TM4SF4: variants seen among roughly 807,000 people sequenced by gnomAD.
The protein encoded by TM4SF4 is transmembrane 4 L6 family member 4.
TM4SF4 carries 24 observed loss-of-function variants against 24.1 expected under a neutral mutation model. That is an observed-to-expected ratio of 1.00 (90% CI 0.72 to 1.40). TM4SF4 has a LOEUF of 1.40. Ranked by LOEUF, TM4SF4 falls within the 40% of genes most tolerant of loss-of-function variation. The probability of loss-of-function intolerance (pLI) is 0.00; values close to 1 mark genes in which losing one functional copy is unlikely to be tolerated. For synonymous variants in TM4SF4, 113 were observed against 97.0 expected (o/e 1.17, Z -0.97); for missense variants, 254 against 254.2 (o/e 1.00, Z 0.01).
In TM4SF4 at chr3:149,475,898, G is replaced by C; in HGVS notation, c.250G>C (p.Gly84Arg). 6.2e-7 allele frequency: 1 copy of C among 1,612,182 alleles called. No homozygotes were observed. Among genetic ancestry groups the C allele is most frequent in the Non-Finnish European group, 8.5e-7 (1 of 1,179,168 alleles). ...TGGGTGCTGCGGCAACGAGGGCTGT[G>C]GGAAGCGATTTGCGGTGAGTTACCA... ...CCGCCGNEGC[G>R]KRFAMFTSTI... Residue 84 changes from glycine to arginine, a missense_variant, in exon 2 of 5, where the codon GGG becomes CGG. Gly to Arg is a moderately radical substitution (Grantham distance 125). Transcript: ENST00000305354.
intron 2 of TM4SF4, among the ~76,000 whole-genome samples, chr3:149,476,803 T>C (rs1194045837): frequency 3.6e-5 from 2 of 55,064 alleles, no homozygotes; most frequent in Non-Finnish European, 1.2e-4. Context: ...TTTTTTTTTG[T>C]TTTTGTTTTT....
intron 2 of TM4SF4, among the ~76,000 whole-genome samples, chr3:149,486,977 G>C (rs2107870541): frequency 6.6e-6 from 1 of 152,332 alleles, no homozygotes; most frequent in Admixed American, 6.5e-5. Flanking sequence ...TGCCAGGCCA[G>C]GTGCGGTGAC....
At chr3:149,501,812 C>T (rs931816847) in intron 4 of TM4SF4, among the ~76,000 whole-genome samples, 38 of 152,278 alleles carry the variant, frequency 2.5e-4, no homozygotes, top group African/African-American at 7.7e-4. Context: ...TCCATTCAGG[C>T]GGAAAGTATT....
intron 1 of TM4SF4, among the ~76,000 whole-genome samples, 199 bp downstream of exon 1, chr3:149,475,250 T>C (rs1733906990): frequency 6.6e-6 from 1 of 152,184 alleles, no homozygotes; most frequent in African/African-American, 2.4e-5. Context: ...ATTTACTAAG[T>C]AATTAATCTC....
chr3:149,483,228 A>G (rs1734064917), intron 2 of TM4SF4, among the ~76,000 whole-genome samples: 1 of 152,220 alleles, frequency 6.6e-6, no homozygotes, highest in Non-Finnish European at 1.5e-5. Context: ...TCCTAGAGTT[A>G]TACTAGCTGT....
chr3:149,475,002 T>A lies in TM4SF4; in HGVS notation c.125T>A (p.Leu42His), dbSNP rs1284070604. The change falls in exon 1 of 5, where the codon CTT becomes CAT. Residue 42 changes from leucine to histidine, a missense_variant. By Grantham distance (99) the Leu-to-His change is moderately conservative. Coordinates refer to ENST00000305354, the MANE Select transcript of TM4SF4 (RefSeq NM_004617.4). ...AAAGTGATAGATGACAACGACCACC[T>A]TTCCCAAGAGATCTGGTTTTTCGGA... is the stretch of plus-strand genomic sequence containing the variant. ...GGKVIDDNDH[L>H]SQEIWFFGGI... is the part of the protein sequence containing the mutation. 1.2e-6 allele frequency: 2 copies of A among 1,613,914 alleles called. No homozygotes were observed. The highest frequency in any genetic ancestry group is 2.2e-5 in the South Asian group (2 of 91,066).
intron 3 of TM4SF4, among the ~76,000 whole-genome samples, chr3:149,491,286 G>T (rs1252634699): frequency 2.1e-5 from 1 of 46,518 alleles, no homozygotes; most frequent in Non-Finnish European, 8.2e-5. Context: ...CTGCTCCAGC[G>T]CCCCTCTACA....
intron 2 of TM4SF4, among the ~76,000 whole-genome samples, chr3:149,480,470 C>T (rs1005618877): frequency 4.6e-5 from 7 of 152,092 alleles, no homozygotes; most frequent in African/African-American, 1.7e-4. Context: ...GATCAAGGCC[C>T]GCCCCACCCA....
chr3:149,499,930 CA>C, intron 4 of TM4SF4, among the ~76,000 whole-genome samples: 1 of 152,174 alleles, frequency 6.6e-6, no homozygotes, highest in South Asian at 2.1e-4. Context: ...GTATATAACT[CA>C]AAAACTAAAT....
chr3:149,499,011 G>T, intron 4 of TM4SF4, 100 bp downstream of exon 4: 1 of 1,300,250 alleles, frequency 7.7e-7, no homozygotes, highest in African/African-American at 1.5e-5. Context: ...CTGAAGGAAT[G>T]AGGGGGTAAG....
chr3:149,482,299 A>G (rs557322057), intron 2 of TM4SF4, among the ~76,000 whole-genome samples: 1 of 152,206 alleles, frequency 6.6e-6, no homozygotes, highest in African/African-American at 2.4e-5. Flanking sequence ...TGACAACAAC[A>G]CAGTAGTGTC....
intron 2 of TM4SF4, among the ~76,000 whole-genome samples, chr3:149,479,833 T>G (rs931319925): frequency 1.3e-5 from 2 of 152,194 alleles, no homozygotes; most frequent in Non-Finnish European, 2.9e-5. Context: ...TCTTCTCTCA[T>G]CTGCATTATA....
intron 3 of TM4SF4, 40 bp from the exon 4 acceptor site, chr3:149,498,682 T>C: frequency 6.3e-7 from 1 of 1,595,316 alleles, no homozygotes; most frequent in Non-Finnish European, 8.6e-7. Context: ...AATTGCACAC[T>C]TTTTACAAAT....
At chr3:149,480,962 G>T (rs1351383603) in intron 2 of TM4SF4, among the ~76,000 whole-genome samples, 1 of 152,044 alleles carries the variant, frequency 6.6e-6, no homozygotes, top group Non-Finnish European at 1.5e-5. Flanking sequence ...CTGGATTCAC[G>T]CGATTCTCCT....
At chr3:149,478,421 A>T (rs1314864202) in intron 2 of TM4SF4, among the ~76,000 whole-genome samples, 2 of 152,186 alleles carry the variant, frequency 1.3e-5, no homozygotes, top group African/African-American at 4.8e-5. Context: ...CTGGCATTAC[A>T]GTCATGAGCC....
intron 2 of TM4SF4, among the ~76,000 whole-genome samples, chr3:149,479,116 G>C (rs1182440056): frequency 6.6e-6 from 1 of 152,050 alleles, no homozygotes; most frequent in Non-Finnish European, 1.5e-5. Context: ...TTCAGAGAGA[G>C]AACATTTTTT....
chr3:149,479,120 AT>A (rs751565405), intron 2 of TM4SF4, among the ~76,000 whole-genome samples: 1 of 151,928 alleles, frequency 6.6e-6, no homozygotes, highest in Non-Finnish European at 1.5e-5. Flanking sequence ...GAGAGAGAAC[AT>A]TTTTTCCCCA....
chr3:149,481,563 A>G (rs1029442746), intron 2 of TM4SF4, among the ~76,000 whole-genome samples: 2 of 152,162 alleles, frequency 1.3e-5, no homozygotes, highest in Admixed American at 6.5e-5. Flanking sequence ...AGAAGAAAAA[A>G]CACTTCAGGT....
In TM4SF4 at chr3:149,474,755, C is replaced by T; in HGVS notation, c.-123C>T. The T allele has an allele frequency of 1.8e-6, 2 of 1,095,890 alleles. No homozygotes were observed. The highest frequency in any genetic ancestry group is 1.9e-5 in the South Asian group (1 of 52,722). 67.9% of individuals were successfully genotyped at this position (1,095,890 alleles called of 1,614,324 possible). ...AGTTCACAGAAATTTGGTTCTCAGC[C>T]CCAAAATACTGATTGAATTGGAGAC... On this transcript the variant is annotated 5_prime_UTR_variant, in exon 1 of 5. Coordinates refer to ENST00000305354, the MANE Select transcript of TM4SF4 (RefSeq NM_004617.4).
Sources: gnomAD v4.1 joint callset for allele counts (sites outside exome capture counted in the v4.1 genomes callset) on GRCh38, gnomAD v4.1.1 for gene constraint, MANE v1.5 for transcripts, NCBI Gene and HGNC (gene_info 2026-07-23, HGNC 2026-07-21) for gene names.